RNF216: variants seen among roughly 807,000 people sequenced by gnomAD.
RNF216 encodes the protein E3 ubiquitin-protein ligase RNF216.
In RNF216, 72 loss-of-function variants were observed where a neutral mutation model predicts 110.8. The ratio of observed to expected loss-of-function variants is 0.65; its 90% confidence interval spans 0.54 to 0.79. The LOEUF (loss-of-function observed/expected upper bound fraction) is 0.79, where lower values mean the gene tolerates loss of function less well. Ranked by LOEUF, RNF216 falls within the 30% of genes least tolerant of loss-of-function variation. RNF216 has a pLI of 0.00. For synonymous variants in RNF216, 495 were observed against 407.5 expected, an observed-to-expected ratio of 1.21 and a Z score of -2.59; for missense variants, 1,342 against 1,141.2, an observed-to-expected ratio of 1.18 and a Z score of -2.54.
chr7:5,731,625 T>C (rs1437063861), intron 5 of RNF216, among the ~76,000 whole-genome samples: 1 of 151,422 alleles, frequency 6.6e-6, no homozygotes, highest in Non-Finnish European at 1.5e-5. Flanking sequence ...GGTACAGCTC[T>C]AGCCACATTC....
At chr7:5,699,658 C>T (rs560417718) in intron 13 of RNF216, among the ~76,000 whole-genome samples, 2 of 152,298 alleles carry the variant, frequency 1.3e-5, no homozygotes, top group African/African-American at 4.8e-5. Flanking sequence ...AAACAGAGCA[C>T]GAACTGTTAT....
chr7:5,721,963 CT>C (rs1793454161), intron 8 of RNF216, among the ~76,000 whole-genome samples: 1 of 152,260 alleles, frequency 6.6e-6, no homozygotes, highest in Non-Finnish European at 1.5e-5. Context: ...TGCTCTGCTG[CT>C]CACGCTGGAG....
intron 7 of RNF216, among the ~76,000 whole-genome samples, chr7:5,727,524 C>G (rs1172720541): frequency 6.6e-6 from 1 of 152,128 alleles, no homozygotes; most frequent in Non-Finnish European, 1.5e-5. Context: ...GCCAGGAGTT[C>G]AAGACCAGCC....
Position 5,674,186 on chromosome 7 carries a change from C to T in RNF216, c.2062-21676G>A, listed in dbSNP as rs535388046. ...CTGGGATTATAGGCACCCACCACCA[C>T]GCCCAGCTAATTTTTGTATTTTTAG... On this transcript the variant is annotated intron_variant, in intron 13 of 16. Coordinates refer to ENST00000389902, the MANE Select transcript of RNF216 (RefSeq NM_207111.4). Among the ~76,000 whole-genome samples the T allele has an allele frequency of 1.9e-4, 29 of 152,164 alleles. No individual in the cohort carries two copies. The South Asian group carries it at 2.7e-3, about 14-fold the overall frequency.
At position 5,715,165 on chromosome 7, in the gene RNF216, C is replaced by T. The variant is rs1225812501; in HGVS notation, c.1721G>A (p.Cys574Tyr). Residue 574 changes from cysteine to tyrosine, a missense_variant, in exon 11 of 17, where the codon TGC becomes TAC. By Grantham distance (194) the Cys-to-Tyr change is radical. Transcript: ENST00000389902. Reference sequence around the variant, plus strand: ...CTCGAATGGAAATTCCCCATAGCAGCAGCGACACTCAATCAGCTGGCCATC... The same window carrying T: ...CTCGAATGGAAATTCCCCATAGCAGTAGCGACACTCAATCAGCTGGCCATC... ...QKDGQLIECR[C>Y]CYGEFPFEEL... 1 of 1,613,472 alleles carries T rather than the reference C, an allele frequency of 6.2e-7. No homozygotes were observed. The highest frequency in any genetic ancestry group is 8.5e-7 in the Non-Finnish European group (1 of 1,179,970).
intron 8 of RNF216, among the ~76,000 whole-genome samples, chr7:5,723,773 T>C (rs114886123): frequency 0.015 from 2,299 of 152,258 alleles, 48 homozygotes; most frequent in African/African-American, 0.052. Context: ...CAAGCAATTA[T>C]AGCCCAAAGA....
chr7:5,683,731 G>C (rs572725111), intron 13 of RNF216, among the ~76,000 whole-genome samples: 2 of 152,248 alleles, frequency 1.3e-5, no homozygotes, highest in Admixed American at 6.5e-5. Flanking sequence ...AATTACAACT[G>C]TTTTTAAAGT....
At chr7:5,727,721 CCT>C (rs1464457989) in intron 7 of RNF216, among the ~76,000 whole-genome samples, 2 of 151,872 alleles carry the variant, frequency 1.3e-5, no homozygotes, top group African/African-American at 4.8e-5. Flanking sequence ...AGAGAGAGAC[CCT>C]GTTTCTAAAC....
At chr7:5,758,868 G>A (rs1184522213) in intron 2 of RNF216, among the ~76,000 whole-genome samples, 1 of 152,174 alleles carries the variant, frequency 6.6e-6, no homozygotes, top group Non-Finnish European at 1.5e-5. Flanking sequence ...CTGTTGGGAA[G>A]ACGCAATTGT....
intron 14 of RNF216, among the ~76,000 whole-genome samples, chr7:5,651,127 A>T (rs1788359358): frequency 6.6e-6 from 1 of 152,130 alleles, no homozygotes; most frequent in African/African-American, 2.4e-5. Flanking sequence ...TCTATTTCCC[A>T]CTTTCTTTGG....
At chr7:5,660,265 C>CTTTTTTTTTTTTTTTTTAT (rs1789024755) in intron 13 of RNF216, among the ~76,000 whole-genome samples, 1 of 33,604 alleles carries the variant, frequency 3.0e-5, no homozygotes, top group Non-Finnish European at 6.1e-5. Flanking sequence ...GTTTTAAATT[C>CTTTTTTTTTTTTTTTTTAT]TTTTTTTTTT....
At chr7:5,701,879 G>A (rs555860280) in intron 13 of RNF216, among the ~76,000 whole-genome samples, 1 of 152,200 alleles carries the variant, frequency 6.6e-6, no homozygotes, top group Non-Finnish European at 1.5e-5. Context: ...CAAAAGACGT[G>A]TCCCAAACAA....
intron 13 of RNF216, among the ~76,000 whole-genome samples, chr7:5,698,345 G>T (rs1379175179): frequency 6.6e-6 from 1 of 150,880 alleles, no homozygotes; most frequent in Admixed American, 6.6e-5. Context: ...CAATTCATCG[G>T]TTACAATGAA....
chr7:5,716,610 G>A, intron 10 of RNF216, 106 bp downstream of exon 10: 1 of 810,928 alleles, frequency 1.2e-6, no homozygotes, highest in Non-Finnish European at 2.0e-6. Flanking sequence ...CACCAAACAG[G>A]AGGTTATCCA....
At chr7:5,731,675 C>G (rs1156485130) in intron 5 of RNF216, among the ~76,000 whole-genome samples, 1 of 151,320 alleles carries the variant, frequency 6.6e-6, no homozygotes, top group Non-Finnish European at 1.5e-5. Flanking sequence ...GTAATGGGGA[C>G]TTCCCCTTTT....
chr7:5,722,674 G>A (rs1387149957), intron 8 of RNF216, among the ~76,000 whole-genome samples: 3 of 151,888 alleles, frequency 2.0e-5, no homozygotes, highest in African/African-American at 7.3e-5. Flanking sequence ...ACAGGCATGA[G>A]CCACCGCGCC....
intron 8 of RNF216, among the ~76,000 whole-genome samples, chr7:5,724,026 AGAAACT>A (rs1793604099): frequency 1.3e-5 from 2 of 152,240 alleles, no homozygotes; most frequent in African/African-American, 4.8e-5. Context: ...ACCTAAAACA[AGAAACT>A]GAATCAAATG....
rs992396136 is a variant in RNF216 at position 5,621,490 on chromosome 7, T to C, written c.*1370A>G. On this transcript the variant is annotated 3_prime_UTR_variant, in exon 17 of 17. Transcript: ENST00000389902. ...AGCCCACTTTAGTCCTTGAAATACA[T>C]CTGAGAAGCCAATGGCAGCGAATGA... The C allele has an allele frequency of 6.6e-6, 1 of 152,166 alleles. No homozygotes were observed. Among genetic ancestry groups the C allele is most frequent in the African/African-American group, 2.4e-5 (1 of 41,430 alleles). The allele number at this position is 152,166 out of a possible 1,614,324, so 9.4% of individuals were successfully genotyped here. A position where few individuals can be genotyped will look rare whatever the true frequency, so the allele number is the denominator to read the frequency against.
chr7:5,632,101 C>T (rs547656798), intron 15 of RNF216, among the ~76,000 whole-genome samples: 68 of 152,348 alleles, frequency 4.5e-4, no homozygotes, highest in African/African-American at 1.6e-3. Context: ...ATGGCTCAGG[C>T]TGGGTTGCTG....
Sources: allele counts gnomAD v4.1 joint callset (sites outside exome capture counted in the v4.1 genomes callset), GRCh38; gene constraint gnomAD v4.1.1; transcripts MANE v1.5; gene names NCBI Gene and HGNC (gene_info 2026-07-23, HGNC 2026-07-21).